HLF: variants seen among roughly 807,000 people sequenced by gnomAD.
The protein encoded by HLF is hepatic leukemia factor.
A neutral mutation model predicts 22.6 loss-of-function variants in HLF; 3 were observed. The observed-to-expected ratio is 0.13, with a 90% CI of 0.06 to 0.34. HLF has a LOEUF of 0.34. HLF is among the 10% of genes least tolerant of loss of function. The pLI is 1.00. For missense variants in HLF, 299 were observed against 389.2 expected (o/e 0.77, Z 1.95); for synonymous variants, 151 against 151.8 (o/e 0.99, Z 0.04).
intron 2 of HLF, among the ~76,000 whole-genome samples, chr17:55,306,333 T>C (rs890725699): frequency 1.3e-5 from 2 of 152,256 alleles, no homozygotes; most frequent in Non-Finnish European, 2.9e-5. Context: ...CTTTTCCTAA[T>C]GTTTACACGT....
At chr17:55,272,358 T>A (rs555130284) in intron 2 of HLF, 1 of 152,258 alleles carries the variant, frequency 6.6e-6, no homozygotes. Flanking sequence ...TATTACATGC[T>A]TGTAAAGCCA....
chr17:55,300,477 C>T (rs1411394791), intron 2 of HLF, among the ~76,000 whole-genome samples: 1 of 152,128 alleles, frequency 6.6e-6, no homozygotes, highest in African/African-American at 2.4e-5. Context: ...AGCTGAGATC[C>T]ACATGCTCTA....
intron 2 of HLF, among the ~76,000 whole-genome samples, chr17:55,308,061 G>A (rs891468149): frequency 1.3e-5 from 2 of 152,190 alleles, no homozygotes; most frequent in Admixed American, 1.3e-4. Flanking sequence ...GGCCAGTGTG[G>A]CCAAGTGTGT....
intron 2 of HLF, among the ~76,000 whole-genome samples, chr17:55,290,784 C>G (rs568665707): frequency 6.6e-6 from 1 of 152,098 alleles, no homozygotes; most frequent in Non-Finnish European, 1.5e-5. Flanking sequence ...CAAGACAGGC[C>G]AAAAGCTAGG....
At chr17:55,284,470 G>T (rs2080983050) in intron 2 of HLF, among the ~76,000 whole-genome samples, 1 of 152,190 alleles carries the variant, frequency 6.6e-6, no homozygotes, top group Non-Finnish European at 1.5e-5. Context: ...ATTATCCTGA[G>T]GCTGATTAAC....
intron 2 of HLF, among the ~76,000 whole-genome samples, chr17:55,284,431 A>T (rs2080982132): frequency 1.3e-5 from 2 of 152,160 alleles, no homozygotes; most frequent in South Asian, 4.1e-4. Flanking sequence ...CAGTAACTGC[A>T]CTTGAGCTCT....
At position 55,265,268 on chromosome 17, in the gene HLF, A is replaced by G; in HGVS notation, c.-217A>G. On this transcript the variant is annotated 5_prime_UTR_variant, in exon 1 of 4. Transcript: ENST00000226067. Reference sequence around the variant, plus strand: ...CGGGCACTTGGCGCGCTCTCCTGGGACCGTCTGCACTGGAAACCCGAAAGT... The same window carrying G: ...CGGGCACTTGGCGCGCTCTCCTGGGGCCGTCTGCACTGGAAACCCGAAAGT... 2.2e-6 allele frequency: 1 copy of G among 451,036 alleles called. No individual in the cohort carries two copies. Among genetic ancestry groups the G allele is most frequent in the Non-Finnish European group, 3.8e-6 (1 of 259,858 alleles). The allele number at this position is 451,036 out of a possible 1,614,324, so 27.9% of individuals were successfully genotyped here. A position where few individuals can be genotyped will look rare whatever the true frequency, so the allele number is the denominator to read the frequency against.
In HLF at chr17:55,323,947, G is replaced by A. The variant is rs1905360256; in HGVS notation, c.*3068G>A. 1 of 228,882 alleles carries A rather than the reference G, an allele frequency of 4.4e-6. No individual in the cohort carries two copies. The highest frequency in any genetic ancestry group is 8.7e-6 in the Non-Finnish European group (1 of 115,490). The allele number at this position is 228,882 out of a possible 1,614,324, so 14.2% of individuals were successfully genotyped here. A position where few individuals can be genotyped will look rare whatever the true frequency, so the allele number is the denominator to read the frequency against. ...GAACAGCTTAGGACCTCCTGATGAG[G>A]TCACATTGTTGTTTCTTTTAACTAG... On this transcript the variant is annotated 3_prime_UTR_variant, in exon 4 of 4. Transcript: ENST00000226067.
rs534040702 is a variant in HLF at position 55,323,259 on chromosome 17, A to G, written c.*2380A>G. ...GATAAATAAAAGATAGCAATATGAG[A>G]CACAGGTGGACGTAGAGTTGGCCTT... On this transcript the variant is annotated 3_prime_UTR_variant, in exon 4 of 4. Coordinates refer to ENST00000226067, the MANE Select transcript of HLF (RefSeq NM_002126.5). The G allele has an allele frequency of 1.4e-5, 3 of 217,098 alleles. No homozygotes were observed. In the East Asian group the frequency reaches 2.0e-4, roughly 15 times the overall value. 13.4% of individuals were successfully genotyped at this position (217,098 alleles called of 1,614,324 possible). A position where few individuals can be genotyped will look rare whatever the true frequency, so the allele number is the denominator to read the frequency against.
At chr17:55,310,167 C>T (rs1040789458) in intron 2 of HLF, among the ~76,000 whole-genome samples, 29 of 152,168 alleles carry the variant, frequency 1.9e-4, no homozygotes, top group African/African-American at 7.0e-4. Flanking sequence ...ACCCTTTCCT[C>T]CAGAAACCCT....
intron 2 of HLF, among the ~76,000 whole-genome samples, chr17:55,302,026 C>G (rs2081161469): frequency 6.6e-6 from 1 of 152,220 alleles, no homozygotes; most frequent in South Asian, 2.1e-4. Context: ...GTTCCCATAA[C>G]TGATGGGGTC....
chr17:55,289,112 G>A (rs1362822746), intron 2 of HLF: 1 of 172,304 alleles, frequency 5.8e-6, no homozygotes, highest in Non-Finnish European at 1.2e-5. Flanking sequence ...CTCTCCATGT[G>A]GCATGTCAGG....
At position 55,323,756 on chromosome 17, in the gene HLF, G is replaced by C; in HGVS notation, c.*2877G>C. ...GCCATGGCTTGACTCTGAGTGATTT[G>C]GGTCAACCGGAGTCAGACGCATGTC... On this transcript the variant is annotated 3_prime_UTR_variant, in exon 4 of 4. Coordinates refer to ENST00000226067, the MANE Select transcript of HLF (RefSeq NM_002126.5). 1 of 231,058 alleles carries C rather than the reference G, an allele frequency of 4.3e-6. No individual in the cohort carries two copies. 14.3% of individuals were successfully genotyped at this position (231,058 alleles called of 1,614,324 possible).
At chr17:55,285,464 C>G (rs9905362) in intron 2 of HLF, among the ~76,000 whole-genome samples, 1 of 152,224 alleles carries the variant, frequency 6.6e-6, no homozygotes, top group African/African-American at 2.4e-5. Context: ...TTGCATTTGC[C>G]AGGCCTGCAA....
At chr17:55,304,215 A>C (rs1204195342) in intron 2 of HLF, among the ~76,000 whole-genome samples, 1 of 152,134 alleles carries the variant, frequency 6.6e-6, no homozygotes, top group Non-Finnish European at 1.5e-5. Context: ...GCTATCGGGT[A>C]GGAGGAGGCC....
At chr17:55,270,977 C>CT (rs1323687282) in intron 2 of HLF, among the ~76,000 whole-genome samples, 16 of 152,314 alleles carry the variant, frequency 1.1e-4, no homozygotes, top group African/African-American at 3.8e-4. Context: ...TTATAGGATG[C>CT]TTAGCAGCAT....
At chr17:55,309,512 G>A (rs995374089) in intron 2 of HLF, among the ~76,000 whole-genome samples, 15 of 152,126 alleles carry the variant, frequency 9.9e-5, no homozygotes, top group Non-Finnish European at 2.1e-4. Flanking sequence ...ATGGCTACGT[G>A]GGATCCAGGA....
At chr17:55,295,033 GC>G (rs144809434) in intron 2 of HLF, among the ~76,000 whole-genome samples, 3,809 of 152,302 alleles carry the variant, frequency 0.025, 69 homozygotes, top group African/African-American at 0.05. Context: ...CTAGCAAGGT[GC>G]TGGTAATTCA....
At chr17:55,299,722 GTGCCACCA>G (rs2145346734) in intron 2 of HLF, among the ~76,000 whole-genome samples, 1 of 148,950 alleles carries the variant, frequency 6.7e-6, no homozygotes, top group South Asian at 2.1e-4. Context: ...CTACAAGCAC[GTGCCACCA>G]TGCCTCGCTA....
Sources: gnomAD v4.1 joint callset for allele counts (sites outside exome capture counted in the v4.1 genomes callset) on GRCh38, gnomAD v4.1.1 for gene constraint, MANE v1.5 for transcripts, NCBI Gene and HGNC (gene_info 2026-07-23, HGNC 2026-07-21) for gene names.